The following TAFA4 variants were observed in gnomAD, a reference collection of about 807,000 sequenced individuals.
TAFA4 encodes TAFA chemokine like family member 4.
A neutral mutation model predicts 21.1 loss-of-function variants in TAFA4; 20 were observed. The observed-to-expected ratio is 0.95, with a 90% CI of 0.67 to 1.38. The LOEUF is 1.38. Among genes scored for constraint, TAFA4 ranks in the 40% most tolerant of loss-of-function variants. The pLI, the probability that TAFA4 is intolerant of heterozygous loss-of-function variation, is 0.00. For synonymous variants in TAFA4, 71 were observed against 67.4 expected, an observed-to-expected ratio of 1.05 and a Z score of -0.26; for missense variants, 211 against 180.9, an observed-to-expected ratio of 1.17 and a Z score of -0.95.
intron 3 of TAFA4, among the ~76,000 whole-genome samples, chr3:68,789,696 A>AT (rs11425987): frequency 0.28 from 42,225 of 151,990 alleles, 7,209 homozygotes; most frequent in Non-Finnish European, 0.39. Context: ...GGCAAAAAAA[A>AT]TTTTCTGATT....
intron 3 of TAFA4, among the ~76,000 whole-genome samples, chr3:68,876,292 A>C (rs928047591): frequency 1.3e-5 from 2 of 152,314 alleles, no homozygotes; most frequent in East Asian, 1.9e-4. Context: ...TTTAGCTATG[A>C]TAAGCCTTGC....
chr3:68,737,061 A>T (rs1702253668), intron 5 of TAFA4, among the ~76,000 whole-genome samples: 1 of 152,144 alleles, frequency 6.6e-6, no homozygotes, highest in Non-Finnish European at 1.5e-5. Flanking sequence ...CTACACATAA[A>T]TAGAAAGCCG....
At chr3:68,759,672 A>T (rs920771209) in intron 3 of TAFA4, among the ~76,000 whole-genome samples, 1 of 152,224 alleles carries the variant, frequency 6.6e-6, no homozygotes, top group African/African-American at 2.4e-5. Flanking sequence ...GGCCCCTGCA[A>T]TAAGTGAGAA....
chr3:68,807,929 A>G (rs1042653343), intron 3 of TAFA4, among the ~76,000 whole-genome samples: 16 of 152,196 alleles, frequency 1.1e-4, no homozygotes, highest in African/African-American at 2.4e-4. Flanking sequence ...GAGCATCTAC[A>G]TATTGAGCTA....
chr3:68,792,467 G>A (rs1703379693), intron 3 of TAFA4, among the ~76,000 whole-genome samples: 1 of 152,002 alleles, frequency 6.6e-6, no homozygotes, highest in Admixed American at 6.6e-5. Flanking sequence ...AGCTTCCCCA[G>A]TATCTTAGCA....
At chr3:68,872,953 G>A (rs879346057) in intron 3 of TAFA4, among the ~76,000 whole-genome samples, 1 of 152,032 alleles carries the variant, frequency 6.6e-6, no homozygotes, top group African/African-American at 2.4e-5. Context: ...TTAAGATAAC[G>A]TGAACAGCTC....
In TAFA4 at chr3:68,838,307, A is replaced by T. The variant is rs527888868; in HGVS notation, c.130+42423T>A. ...GTTAATTAAGTGCGCTAACTGAGCT[A>T]CCAAAAATACTTTACCACAATTATT... On this transcript the variant is annotated intron_variant, in intron 3 of 5. Coordinates refer to ENST00000295569, the MANE Select transcript of TAFA4 (RefSeq NM_182522.5). Among the ~76,000 whole-genome samples, 3 of 152,342 alleles carry T rather than the reference A, an allele frequency of 2.0e-5. No individual in the cohort carries two copies. The East Asian group carries it at 5.8e-4, about 29-fold the overall frequency.
intron 1 of TAFA4, among the ~76,000 whole-genome samples, chr3:68,906,103 A>G (rs1435662515): frequency 1.3e-5 from 2 of 152,222 alleles, no homozygotes; most frequent in African/African-American, 2.4e-5. Flanking sequence ...GAAGTGAAAT[A>G]ATGTTGTATG....
intron 1 of TAFA4, among the ~76,000 whole-genome samples, chr3:68,898,300 T>C (rs1012878593): frequency 2.6e-5 from 4 of 152,234 alleles, no homozygotes; most frequent in South Asian, 4.1e-4. Context: ...TCTGATTGTT[T>C]TGCCCTCGTG....
intron 1 of TAFA4, among the ~76,000 whole-genome samples, chr3:68,904,383 T>C (rs986567544): frequency 6.6e-6 from 1 of 152,182 alleles, no homozygotes; most frequent in African/African-American, 2.4e-5. Flanking sequence ...AAAAAGGAGA[T>C]GACGTTTCTA....
intron 3 of TAFA4, among the ~76,000 whole-genome samples, chr3:68,808,673 A>G (rs1305680902): frequency 6.6e-6 from 1 of 152,200 alleles, no homozygotes; most frequent in African/African-American, 2.4e-5. Flanking sequence ...TTCCACAAAC[A>G]CACACCCTTA....
rs1216610403 is a variant in TAFA4, at chr3:68,884,642, G to GA, written c.14+532_14+533insT. ...TTCCCAAGACATGCAATTTACCCAA[G>GA]CTCACAGAGCAGTGAAAAAGCCAGC... On this transcript the variant is annotated intron_variant, in intron 2 of 5. Coordinates refer to ENST00000295569, the MANE Select transcript of TAFA4 (RefSeq NM_182522.5). Among the ~76,000 whole-genome samples, 5 of 152,330 alleles carry GA rather than the reference G, an allele frequency of 3.3e-5. No individual in the cohort carries two copies. In the East Asian group the frequency reaches 9.6e-4, roughly 29 times the overall value.
intron 3 of TAFA4, among the ~76,000 whole-genome samples, chr3:68,820,565 T>C (rs1318192892): frequency 6.6e-6 from 1 of 151,478 alleles, no homozygotes; most frequent in Non-Finnish European, 1.5e-5. Flanking sequence ...TATAATTCCA[T>C]CTACTTGGAA....
intron 3 of TAFA4, among the ~76,000 whole-genome samples, chr3:68,814,088 C>A (rs1703905088): frequency 6.6e-6 from 1 of 152,158 alleles, no homozygotes; most frequent in African/African-American, 2.4e-5. Flanking sequence ...TCAACAGACG[C>A]AGAAAAGGCC....
intron 3 of TAFA4, among the ~76,000 whole-genome samples, chr3:68,828,193 A>G (rs559788535): frequency 5.9e-5 from 9 of 151,926 alleles, no homozygotes; most frequent in Non-Finnish European, 1.2e-4. Context: ...TTGTGGATGC[A>G]TGGTGTTATT....
chr3:68,755,480 A>G (rs1228020833), intron 3 of TAFA4, among the ~76,000 whole-genome samples: 1 of 152,162 alleles, frequency 6.6e-6, no homozygotes, highest in Non-Finnish European at 1.5e-5. Context: ...TCTGACTGGC[A>G]TGGCTTAGGT....
At position 68,812,486 on chromosome 3, in the gene TAFA4, C is replaced by T. The variant is rs540725159; in HGVS notation, c.131-59468G>A. ...AATAAAAGGATGGAGGAAGATCTAC[C>T]AAGCAAATGGAAAACAAAAGAAGGC... is the stretch of plus-strand genomic sequence containing the variant. On this transcript the variant is annotated intron_variant, in intron 3 of 5. Coordinates refer to ENST00000295569, the MANE Select transcript of TAFA4 (RefSeq NM_182522.5). Among the ~76,000 whole-genome samples the T allele has an allele frequency of 6.6e-5, 10 of 152,100 alleles. No homozygotes were observed. The South Asian group carries it at 2.1e-3, about 32-fold the overall frequency.
chr3:68,815,584 C>T (rs544653095), intron 3 of TAFA4, among the ~76,000 whole-genome samples: 8 of 152,256 alleles, frequency 5.3e-5, no homozygotes, highest in South Asian at 4.1e-4. Context: ...CACTGGCCAT[C>T]GGAGAAATGC....
At chr3:68,903,658 T>C (rs1337913867) in intron 1 of TAFA4, among the ~76,000 whole-genome samples, 1 of 152,244 alleles carries the variant, frequency 6.6e-6, no homozygotes, top group Non-Finnish European at 1.5e-5. Flanking sequence ...TTTTTTAAAC[T>C]TTCATTTTAG....
Sources: gnomAD v4.1 joint callset for allele counts (sites outside exome capture counted in the v4.1 genomes callset) on GRCh38, gnomAD v4.1.1 for gene constraint, MANE v1.5 for transcripts, NCBI Gene and HGNC (gene_info 2026-07-23, HGNC 2026-07-21) for gene names.